TBL1XR1: variants seen among roughly 807,000 people sequenced by gnomAD.
TBL1XR1 encodes F-box-like/WD repeat-containing protein TBL1XR1.
A neutral mutation model predicts 66.9 loss-of-function variants in TBL1XR1; 5 were observed. The ratio of observed to expected loss-of-function variants is 0.07; its 90% CI spans 0.04 to 0.16. The LOEUF (loss-of-function observed/expected upper bound fraction) is 0.16, where lower values mean the gene tolerates loss of function less well. TBL1XR1 is among the 10% of genes least tolerant of loss of function. TBL1XR1 has a pLI of 1.00. For synonymous variants in TBL1XR1, 210 were observed against 206.0 expected, an observed-to-expected ratio of 1.02 and a Z score of -0.17; for missense variants, 238 against 623.2, an observed-to-expected ratio of 0.38 and a Z score of 6.58.
rs555991732 is a variant in TBL1XR1 at position 177,181,578 on chromosome 3, T to C, written c.-122+15543A>G. Among the ~76,000 whole-genome samples, 19 of 147,354 alleles carry C rather than the reference T, an allele frequency of 1.3e-4. No individual in the cohort carries two copies. In the East Asian group the frequency reaches 3.5e-3, roughly 27 times the overall value. On this transcript the variant is annotated intron_variant, in intron 1 of 15. Coordinates refer to ENST00000457928, the MANE Select transcript of TBL1XR1 (RefSeq NM_024665.7). ...CCATGCTAGATTGTGATAGATTCCA[T>C]GCTAGCAGATCAGGAGAGGAGGAGG... is the stretch of plus-strand genomic sequence containing the variant.
chr3:177,185,641 C>T (rs1346804270), intron 1 of TBL1XR1, among the ~76,000 whole-genome samples: 1 of 151,732 alleles, frequency 6.6e-6, no homozygotes, highest in East Asian at 1.9e-4. Flanking sequence ...GACCCTTTGT[C>T]TTTTCATTTA....
rs1716900778 is a variant in TBL1XR1 at position 177,050,410 on chromosome 3, T to C, written c.560+68A>G. On this transcript the variant is annotated intron_variant, in intron 6 of 15. Coordinates refer to ENST00000457928, the MANE Select transcript of TBL1XR1 (RefSeq NM_024665.7). The stretch of plus-strand genomic sequence containing the variant: ...AAGCAACAACAGAAAACCTGAATAA[T>C]GCATATGTTTATAAAATGTTCAATA... The C allele has an allele frequency of 7.0e-6, 11 of 1,561,454 alleles. No homozygotes were observed. The South Asian group carries it at 8.2e-5, about 12-fold the overall frequency.
chr3:177,078,944 G>A (rs567291503), intron 2 of TBL1XR1, among the ~76,000 whole-genome samples: 14 of 151,074 alleles, frequency 9.3e-5, no homozygotes, highest in South Asian at 4.2e-4. Flanking sequence ...GTGAGACTCC[G>A]TCTCAAAAGA....
At chr3:177,039,684 G>A (rs1002178697) in intron 10 of TBL1XR1, among the ~76,000 whole-genome samples, 4 of 152,162 alleles carry the variant, frequency 2.6e-5, no homozygotes, top group Non-Finnish European at 5.9e-5. Context: ...AACTGGGTTA[G>A]GCAACAGAAG....
At chr3:177,048,328 A>T (rs962017284) in intron 7 of TBL1XR1, among the ~76,000 whole-genome samples, 2 of 152,232 alleles carry the variant, frequency 1.3e-5, no homozygotes, top group African/African-American at 4.8e-5. Flanking sequence ...TATAGTAAAC[A>T]GACTATTGCT....
intron 1 of TBL1XR1, among the ~76,000 whole-genome samples, chr3:177,133,603 AG>A (rs1268857007): frequency 6.6e-6 from 1 of 152,188 alleles, no homozygotes; most frequent in African/African-American, 2.4e-5. Context: ...ATACATGCAC[AG>A]AAGTAACACT....
At chr3:177,105,842 G>T (rs2108694143) in intron 1 of TBL1XR1, among the ~76,000 whole-genome samples, 1 of 152,190 alleles carries the variant, frequency 6.6e-6, no homozygotes, top group South Asian at 2.1e-4. Flanking sequence ...ACCACTGGGT[G>T]GGGGTGGGAA....
At chr3:177,133,960 A>G (rs1417317461) in intron 1 of TBL1XR1, among the ~76,000 whole-genome samples, 1 of 150,102 alleles carries the variant, frequency 6.7e-6, no homozygotes, top group East Asian at 2.0e-4. Context: ...CTTTTGCTTT[A>G]GAGAAACTAC....
chr3:177,147,112 T>G (rs1032980240), intron 1 of TBL1XR1, among the ~76,000 whole-genome samples: 4 of 151,958 alleles, frequency 2.6e-5, no homozygotes, highest in Non-Finnish European at 5.9e-5. Context: ...AATGGCGTGA[T>G]TTTGGCTCAC....
chr3:177,031,734 C>A (rs903795961), intron 14 of TBL1XR1, among the ~76,000 whole-genome samples: 3 of 149,692 alleles, frequency 2.0e-5, no homozygotes, highest in African/African-American at 7.3e-5. Flanking sequence ...AAGGCCAGCC[C>A]AGGCAACATA....
chr3:177,068,578 C>T (rs1719464167), intron 2 of TBL1XR1, among the ~76,000 whole-genome samples: 2 of 152,188 alleles, frequency 1.3e-5, no homozygotes, highest in Non-Finnish European at 2.9e-5. Context: ...ACAGCATTTT[C>T]AGCATCACAA....
chr3:177,079,492 T>TG (rs1721133205), intron 2 of TBL1XR1: 1 of 151,810 alleles, frequency 6.6e-6, no homozygotes, highest in Non-Finnish European at 1.5e-5. Context: ...TCCACACTCT[T>TG]GGACTTATTT....
chr3:177,098,233 GAAAAT>G (rs1723745648), intron 2 of TBL1XR1, among the ~76,000 whole-genome samples: 1 of 150,882 alleles, frequency 6.6e-6, no homozygotes, highest in African/African-American at 2.4e-5. Flanking sequence ...AAAAAGAAAA[GAAAAT>G]AGAAATTTTC....
intron 1 of TBL1XR1, among the ~76,000 whole-genome samples, chr3:177,164,706 G>T (rs1055729776): frequency 6.6e-6 from 1 of 152,170 alleles, no homozygotes; most frequent in African/African-American, 2.4e-5. Flanking sequence ...ATGGAAAGAT[G>T]TCTCATGTTC....
chr3:177,177,243 A>G (rs1734264327), intron 1 of TBL1XR1, among the ~76,000 whole-genome samples: 1 of 152,192 alleles, frequency 6.6e-6, no homozygotes, highest in Non-Finnish European at 1.5e-5. Flanking sequence ...CGAGGTCAGG[A>G]GTCCGAGACC....
At chr3:177,076,007 C>T (rs768797735) in intron 2 of TBL1XR1, among the ~76,000 whole-genome samples, 1 of 152,116 alleles carries the variant, frequency 6.6e-6, no homozygotes, top group Non-Finnish European at 1.5e-5. Flanking sequence ...ATACCTTAGA[C>T]GGAAGTTTTT....
chr3:177,167,719 T>A (rs1577365460), intron 1 of TBL1XR1, among the ~76,000 whole-genome samples: 1 of 152,130 alleles, frequency 6.6e-6, no homozygotes, highest in African/African-American at 2.4e-5. Flanking sequence ...TCACCTAAGG[T>A]TGGGAGTTCG....
rs1262230700 is a variant in TBL1XR1, at chr3:177,144,670, G to A, written c.-121-46129C>T. On this transcript the variant is annotated intron_variant, in intron 1 of 15. Transcript: ENST00000457928. ...TCAGAGGCTGAGGCAGGAGAATGGC[G>A]TGAACCCAGGAGGCGGAGCTTGCAG... 4.6e-5 allele frequency among the ~76,000 whole-genome samples: 7 copies of A among 151,250 alleles called. No individual in the cohort carries two copies. The East Asian group carries it at 5.9e-4, about 13-fold the overall frequency.
At position 177,171,715 on chromosome 3, in the gene TBL1XR1, A is replaced by AAG. The variant is rs1315835829; in HGVS notation, c.-122+25405_-122+25406insCT. Reference sequence around the variant, plus strand: ...CAGACTCCGTCTCAAAAAAAAAAAAAAAAAAAAAAAAAGTTTGCTGTGATT... The same window carrying AAG: ...CAGACTCCGTCTCAAAAAAAAAAAAAAGAAAAAAAAAAAAGTTTGCTGTGATT... On this transcript the variant is annotated intron_variant, in intron 1 of 15. Transcript: ENST00000457928. Among the ~76,000 whole-genome samples the AAG allele has an allele frequency of 9.0e-3, 1,340 of 148,896 alleles. 30 individuals carry two copies. Among genetic ancestry groups the AAG allele is most frequent in the African/African-American group, 0.032 (1,280 of 39,772 alleles).
Sources: allele counts gnomAD v4.1 joint callset (sites outside exome capture counted in the v4.1 genomes callset), GRCh38; gene constraint gnomAD v4.1.1; transcripts MANE v1.5; gene names NCBI Gene and HGNC (gene_info 2026-07-23, HGNC 2026-07-21).